Variants in ERC2 observed in about 807,000 individuals in gnomAD.
ERC2 encodes ELKS/RAB6-interacting/CAST family member 2.
In ERC2, 42 loss-of-function variants were observed where a neutral mutation model predicts 114.8. The ratio of observed to expected loss-of-function variants is 0.37; its 90% confidence interval spans 0.29 to 0.47. The LOEUF is 0.47. ERC2 is among the 20% of genes least tolerant of loss of function. ERC2 has a pLI of 0.99. For missense variants in ERC2, 939 were observed against 1,150.7 expected (o/e 0.82, Z 2.66); for synonymous variants, 454 against 425.5 (o/e 1.07, Z -0.82).
chr3:55,726,496 C>A (rs1036067807), intron 15 of ERC2, among the ~76,000 whole-genome samples: 10 of 152,238 alleles, frequency 6.6e-5, no homozygotes, highest in Non-Finnish European at 1.0e-4. Context: ...CAGGACGGGT[C>A]TACCTCTGCT....
chr3:56,146,670 C>T (rs978744950), intron 5 of ERC2, among the ~76,000 whole-genome samples: 14 of 152,142 alleles, frequency 9.2e-5, no homozygotes, highest in African/African-American at 3.4e-4. Flanking sequence ...CCATCTGAAC[C>T]ATCCTGTAAG....
intron 7 of ERC2, among the ~76,000 whole-genome samples, chr3:56,044,424 T>C (rs1560079467): frequency 6.6e-6 from 1 of 152,250 alleles, no homozygotes. Flanking sequence ...TTTAAGAGAT[T>C]ATGTAACTTT....
At chr3:56,260,871 T>C (rs1016538434) in intron 3 of ERC2, among the ~76,000 whole-genome samples, 59 of 152,224 alleles carry the variant, frequency 3.9e-4, no homozygotes, top group African/African-American at 1.4e-3. Flanking sequence ...AACCCTTTAG[T>C]GGCATGGTCT....
chr3:55,576,687 T>A (rs1166815622), intron 17 of ERC2, among the ~76,000 whole-genome samples: 1 of 152,234 alleles, frequency 6.6e-6, no homozygotes, highest in Non-Finnish European at 1.5e-5. Flanking sequence ...CCACCTTGCA[T>A]CCTGCCCGTT....
chr3:56,203,101 A>T (rs1028273526), intron 3 of ERC2, among the ~76,000 whole-genome samples: 4 of 152,226 alleles, frequency 2.6e-5, no homozygotes, highest in African/African-American at 9.6e-5. Context: ...CTGGGCTCGT[A>T]TTTCCTGAAA....
chr3:56,188,684 G>A (rs1354070569), intron 3 of ERC2, among the ~76,000 whole-genome samples: 4 of 152,168 alleles, frequency 2.6e-5, no homozygotes, highest in Non-Finnish European at 4.4e-5. Flanking sequence ...AATGCTGAGG[G>A]CTCACAGAAT....
At chr3:56,181,878 G>A (rs1265340084) in intron 3 of ERC2, among the ~76,000 whole-genome samples, 2 of 152,128 alleles carry the variant, frequency 1.3e-5, no homozygotes, top group Non-Finnish European at 2.9e-5. Context: ...CCTGCCAAAA[G>A]CCCTGCGAAT....
At chr3:56,190,233 C>A (rs954486610) in intron 3 of ERC2, among the ~76,000 whole-genome samples, 5 of 152,164 alleles carry the variant, frequency 3.3e-5, no homozygotes, top group Non-Finnish European at 5.9e-5. Context: ...TATTTGCAAA[C>A]CTCTTCTTGC....
In ERC2 at chr3:55,895,763, C is replaced by T. The variant is rs543389702; in HGVS notation, c.2404-7214G>A. 4.2e-4 allele frequency among the ~76,000 whole-genome samples: 64 copies of T among 152,282 alleles called. 1 individual carries two copies. The South Asian group carries it at 0.012, about 30-fold the overall frequency. ...GATTCTGAAACACCCTCCTTTGACC[C>T]ACTTAGTGCAATGATGGATGAAGTG... On this transcript the variant is annotated intron_variant, in intron 13 of 17. Transcript: ENST00000288221.
chr3:56,096,417 C>G (rs999665915), intron 6 of ERC2, among the ~76,000 whole-genome samples: 4 of 152,046 alleles, frequency 2.6e-5, no homozygotes, highest in African/African-American at 9.7e-5. Flanking sequence ...TTTTAAGCAG[C>G]AAAGCCAAGA....
intron 8 of ERC2, among the ~76,000 whole-genome samples, chr3:56,012,400 C>CA (rs2073016082): frequency 6.6e-6 from 1 of 152,110 alleles, no homozygotes; most frequent in Admixed American, 6.5e-5. Flanking sequence ...GCAGCCTTCA[C>CA]GTGGTTTCAC....
chr3:55,571,406 C>A (rs1386308809), intron 17 of ERC2, among the ~76,000 whole-genome samples: 1 of 152,124 alleles, frequency 6.6e-6, no homozygotes, highest in African/African-American at 2.4e-5. Context: ...AAAGCCCCGA[C>A]CCCAACCACT....
intron 4 of ERC2, among the ~76,000 whole-genome samples, chr3:56,170,598 T>TTTTG (rs368220024): frequency 0.27 from 36,933 of 134,956 alleles, 7,021 homozygotes; most frequent in Non-Finnish European, 0.39. Flanking sequence ...TTTTTTTTTT[T>TTTTG]TTTTTTTTTT....
At chr3:55,779,500 CA>C (rs922942901) in intron 14 of ERC2, among the ~76,000 whole-genome samples, 135 of 135,910 alleles carry the variant, frequency 9.9e-4, no homozygotes, top group South Asian at 2.3e-3. Context: ...GACTCTGTCT[CA>C]AAAAAAAAAA....
At chr3:56,126,307 T>G (rs2079859161) in intron 6 of ERC2, among the ~76,000 whole-genome samples, 2 of 152,164 alleles carry the variant, frequency 1.3e-5, no homozygotes, top group South Asian at 4.1e-4. Flanking sequence ...TATATGCAAA[T>G]CAATAGAGGT....
At chr3:55,678,679 G>A (rs2061924156) in intron 17 of ERC2, among the ~76,000 whole-genome samples, 1 of 152,148 alleles carries the variant, frequency 6.6e-6, no homozygotes, top group East Asian at 1.9e-4. Flanking sequence ...CTGATATGCA[G>A]GAACATGGAA....
intron 17 of ERC2, among the ~76,000 whole-genome samples, chr3:55,610,124 TGAA>T (rs2058839879): frequency 6.6e-6 from 1 of 150,416 alleles, no homozygotes; most frequent in Non-Finnish European, 1.5e-5. Flanking sequence ...CCTTGACACT[TGAA>T]GTTTTGGGCC....
chr3:56,191,788 C>T (rs1321542257), intron 3 of ERC2, among the ~76,000 whole-genome samples: 1 of 152,092 alleles, frequency 6.6e-6, no homozygotes, highest in Non-Finnish European at 1.5e-5. Context: ...CACACTTACC[C>T]AGGAGGTCCC....
At chr3:56,098,074 C>T (rs759297097) in intron 6 of ERC2, among the ~76,000 whole-genome samples, 2 of 152,118 alleles carry the variant, frequency 1.3e-5, no homozygotes, top group Non-Finnish European at 2.9e-5. Context: ...TGAGAGCACT[C>T]ATCTAAAAGG....
Sources: allele counts gnomAD v4.1 joint callset (sites outside exome capture counted in the v4.1 genomes callset), GRCh38; gene constraint gnomAD v4.1.1; transcripts MANE v1.5; gene names NCBI Gene and HGNC (gene_info 2026-07-23, HGNC 2026-07-21).